Variants in PNPT1 observed in about 807,000 individuals in gnomAD.
PNPT1 encodes the protein polyribonucleotide nucleotidyltransferase 1, mitochondrial.
A neutral mutation model predicts 119.5 loss-of-function variants in PNPT1; 53 were observed. That is an observed-to-expected ratio of 0.44 (90% CI 0.36 to 0.56). The LOEUF (loss-of-function observed/expected upper bound fraction) is 0.56, where lower values mean the gene tolerates loss of function less well. Ranked by LOEUF, PNPT1 falls within the 20% of genes least tolerant of loss-of-function variation. PNPT1 has a pLI of 0.00. For missense variants in PNPT1, 948 were observed against 938.5 expected, an observed-to-expected ratio of 1.01 and a Z score of -0.13; for synonymous variants, 357 against 322.1, an observed-to-expected ratio of 1.11 and a Z score of -1.16.
chr2:55,687,462 T>C (rs1274572289), intron 2 of PNPT1, among the ~76,000 whole-genome samples, 183 bp downstream of exon 2: 1 of 151,866 alleles, frequency 6.6e-6, no homozygotes, highest in Non-Finnish European at 1.5e-5. Flanking sequence ...GGTCACTTAA[T>C]ACATGCAGTG....
At position 55,643,382 on chromosome 2, in the gene PNPT1, A is replaced by C; in HGVS notation, c.1950T>G (p.Phe650Leu). Residue 650 changes from phenylalanine (F) to leucine (L), a missense_variant, in exon 24 of 28, where the codon TTT becomes TTG. Physicochemically the swap from Phe to Leu is conservative, Grantham distance 22. Transcript: ENST00000447944. ...SQVDEETFSV[F>L]APTPSAMHEA... ...CATGCATAGCACTGGGTGTTGGTGC[A>C]AATACAGAAAACGTTTCTTCATCCA... The C allele has an allele frequency of 1.2e-6, 2 of 1,614,192 alleles. No homozygotes were observed. Among genetic ancestry groups the C allele is most frequent in the Non-Finnish European group, 1.7e-6 (2 of 1,180,032 alleles).
chr2:55,651,284 C>T (rs1696189261), intron 18 of PNPT1, among the ~76,000 whole-genome samples: 1 of 152,060 alleles, frequency 6.6e-6, no homozygotes, highest in South Asian at 2.1e-4. Context: ...TGCCCAACAG[C>T]TCATTGAGAA....
chr2:55,665,891 T>C (rs763213493), intron 13 of PNPT1, among the ~76,000 whole-genome samples: 5 of 152,094 alleles, frequency 3.3e-5, no homozygotes, highest in Non-Finnish European at 5.9e-5. Context: ...TGTAGGTAAA[T>C]ATTAATAAAC....
intron 8 of PNPT1, among the ~76,000 whole-genome samples, chr2:55,677,596 CA>C (rs70954146): frequency 0.083 from 2,753 of 33,262 alleles, 12 homozygotes; most frequent in East Asian, 0.35. Context: ...GACTATGTCT[CA>C]AAAAAAAAAA....
At chr2:55,642,084 C>T (rs1348048289) in intron 25 of PNPT1, among the ~76,000 whole-genome samples, 2 of 152,106 alleles carry the variant, frequency 1.3e-5, no homozygotes, top group Admixed American at 6.5e-5. Flanking sequence ...TCCTGATCCA[C>T]CTGCCTTGGC....
In PNPT1 at chr2:55,636,006, C is replaced by A; in HGVS notation, c.*231G>T. ...AATTTTTTCTAAGATGTATAAATGA[C>A]TTACTTTTAATAATAAATATTTCTT... is the stretch of plus-strand genomic sequence containing the variant. On this transcript the variant is annotated 3_prime_UTR_variant, in exon 28 of 28. Coordinates refer to ENST00000447944, the MANE Select transcript of PNPT1 (RefSeq NM_033109.5). 1 of 261,546 alleles carries A rather than the reference C, an allele frequency of 3.8e-6. No individual in the cohort carries two copies. The highest frequency in any genetic ancestry group is 7.0e-6 in the Non-Finnish European group (1 of 142,788). The allele number at this position is 261,546 out of a possible 1,614,324, so 16.2% of individuals were successfully genotyped here.
intron 14 of PNPT1, among the ~76,000 whole-genome samples, chr2:55,661,367 G>A (rs1449158203): frequency 6.6e-6 from 1 of 151,966 alleles, no homozygotes; most frequent in Non-Finnish European, 1.5e-5. Flanking sequence ...TGGGATTACA[G>A]GCCAGGCGTG....
chr2:55,679,407 T>C (rs1486264846), intron 8 of PNPT1, among the ~76,000 whole-genome samples: 1 of 152,162 alleles, frequency 6.6e-6, no homozygotes, highest in Non-Finnish European at 1.5e-5. Flanking sequence ...GACTAAAAAT[T>C]AGTCATAATT....
At chr2:55,649,360 C>A (rs898985905) in intron 18 of PNPT1, among the ~76,000 whole-genome samples, 3 of 152,174 alleles carry the variant, frequency 2.0e-5, no homozygotes, top group Non-Finnish European at 4.4e-5. Flanking sequence ...CTCCTGCATT[C>A]TTTGGTTGAA....
chr2:55,645,029 T>C (rs1695942568), intron 22 of PNPT1: 1 of 259,412 alleles, frequency 3.9e-6, no homozygotes, highest in Admixed American at 5.1e-5. Flanking sequence ...AAAATTTTTT[T>C]TTTTTTTTTT....
At chr2:55,686,642 G>C (rs1049440217) in intron 2 of PNPT1, among the ~76,000 whole-genome samples, 198 bp from the exon 3 acceptor site, 4 of 152,144 alleles carry the variant, frequency 2.6e-5, no homozygotes, top group African/African-American at 9.7e-5. Flanking sequence ...ATCAAAATAA[G>C]GAAAGATTAA....
At position 55,643,166 on chromosome 2, in the gene PNPT1, A is replaced by G; in HGVS notation, c.2061T>C (p.Thr687=). 1.2e-6 allele frequency: 2 copies of G among 1,614,178 alleles called. No individual in the cohort carries two copies. The highest frequency in any genetic ancestry group is 1.7e-6 in the Non-Finnish European group (2 of 1,180,006). ...EFGAVYTATI[T]EIRDTGVMVK... is the part of the protein sequence containing the mutation. ...ATATTACTTGATATTACCTGATTTC[A>G]GTTATTGTGGCGGTATATACTGCTC... is the stretch of plus-strand genomic sequence containing the variant. Residue 687 remains threonine, a synonymous_variant, in exon 25 of 28, where the codon ACT becomes ACC. Coordinates refer to ENST00000447944, the MANE Select transcript of PNPT1 (RefSeq NM_033109.5).
intron 13 of PNPT1, among the ~76,000 whole-genome samples, chr2:55,663,236 A>G (rs894128992): frequency 3.3e-5 from 5 of 152,216 alleles, no homozygotes; most frequent in Admixed American, 6.5e-5. Flanking sequence ...ATAAAAAAGA[A>G]TAAGTGGAAA....
At chr2:55,667,654 G>C (rs1209113238) in intron 12 of PNPT1, among the ~76,000 whole-genome samples, 1 of 151,906 alleles carries the variant, frequency 6.6e-6, no homozygotes, top group Non-Finnish European at 1.5e-5. Flanking sequence ...GTCAGGGCTG[G>C]CAGGCACCGC....
intron 18 of PNPT1, among the ~76,000 whole-genome samples, chr2:55,650,600 G>A (rs1696146073): frequency 6.6e-6 from 1 of 151,870 alleles, no homozygotes; most frequent in South Asian, 2.1e-4. Context: ...CTTCCCGGCC[G>A]CCATCCCATC....
rs1695940014 is a variant in PNPT1 at position 55,644,942 on chromosome 2, T to C, written c.1823-222A>G. On this transcript the variant is annotated intron_variant, in intron 22 of 27. Coordinates refer to ENST00000447944, the MANE Select transcript of PNPT1 (RefSeq NM_033109.5). ...TACAAAAGTATTTAAAATATTTTCG[T>C]TTTGTGCACTGGGTAAAAACAATTT... is the stretch of plus-strand genomic sequence containing the variant. 2.5e-5 allele frequency: 10 copies of C among 403,504 alleles called. No individual in the cohort carries two copies. In the South Asian group the frequency reaches 5.4e-4, roughly 22 times the overall value. 25.0% of individuals were successfully genotyped at this position (403,504 alleles called of 1,614,324 possible).
intron 18 of PNPT1, among the ~76,000 whole-genome samples, chr2:55,652,779 A>C (rs1696253024): frequency 6.6e-6 from 1 of 152,220 alleles, no homozygotes; most frequent in Non-Finnish European, 1.5e-5. Context: ...ATTTCTTCAA[A>C]ACAGAAAGTG....
intron 11 of PNPT1, among the ~76,000 whole-genome samples, chr2:55,669,761 A>ATTTTTTTTTTTTTTTT (rs1559103080): frequency 6.8e-6 from 1 of 147,128 alleles, no homozygotes; most frequent in African/African-American, 2.5e-5. Context: ...TGCTAACAGC[A>ATTTTTTTTTTTTTTTT]CTTTTTTTTT....
intron 13 of PNPT1, among the ~76,000 whole-genome samples, chr2:55,666,461 T>C (rs1019461960): frequency 6.6e-6 from 1 of 152,174 alleles, no homozygotes; most frequent in African/African-American, 2.4e-5. Context: ...TGCATACTTG[T>C]GAAAAGTTAC....
Sources: gnomAD v4.1 joint callset for allele counts (sites outside exome capture counted in the v4.1 genomes callset) on GRCh38, gnomAD v4.1.1 for gene constraint, MANE v1.5 for transcripts, NCBI Gene and HGNC (gene_info 2026-07-23, HGNC 2026-07-21) for gene names.